Variants in BMPER observed in about 807,000 individuals in gnomAD.
BMPER encodes the protein BMP binding endothelial regulator, also known as BMP-binding endothelial regulator protein.
In BMPER, 45 loss-of-function variants were observed where a neutral mutation model predicts 87.3. The ratio of observed to expected loss-of-function variants is 0.52; its 90% confidence interval spans 0.41 to 0.66. The LOEUF (loss-of-function observed/expected upper bound fraction) is 0.66. Ranked by LOEUF, BMPER falls within the 30% of genes least tolerant of loss-of-function variation. BMPER has a pLI of 0.00. For synonymous variants in BMPER, 326 were observed against 316.2 expected (o/e 1.03, Z -0.33); for missense variants, 784 against 867.5 (o/e 0.90, Z 1.21).
chr7:34,139,618 C>T (rs1790811811), intron 13 of BMPER, among the ~76,000 whole-genome samples: 1 of 152,172 alleles, frequency 6.6e-6, no homozygotes, highest in Non-Finnish European at 1.5e-5. Context: ...TCCACCACAC[C>T]GAGCTTTCCG....
intron 3 of BMPER, among the ~76,000 whole-genome samples, chr7:33,953,810 T>C (rs1230674736): frequency 5.3e-5 from 8 of 152,170 alleles, no homozygotes. Flanking sequence ...CTTTCTCTCC[T>C]CCCCTCAGCC....
At chr7:34,037,713 G>A (rs777968508) in intron 6 of BMPER, among the ~76,000 whole-genome samples, 8 of 152,204 alleles carry the variant, frequency 5.3e-5, no homozygotes, top group Non-Finnish European at 5.9e-5. Flanking sequence ...CATTAACACC[G>A]AAAGTTGCTC....
intron 6 of BMPER, among the ~76,000 whole-genome samples, chr7:34,039,550 T>C (rs544028759): frequency 6.6e-6 from 1 of 151,194 alleles, no homozygotes; most frequent in South Asian, 2.1e-4. Context: ...TGACCCCAAA[T>C]GTCAGGAGTG....
At chr7:34,054,476 A>G (rs1295650262) in intron 8 of BMPER, among the ~76,000 whole-genome samples, 1 of 152,242 alleles carries the variant, frequency 6.6e-6, no homozygotes, top group East Asian at 1.9e-4. Flanking sequence ...TAAGAGGCAC[A>G]GTAAACCTGA....
At chr7:34,117,150 A>G (rs1252608165) in intron 13 of BMPER, among the ~76,000 whole-genome samples, 1 of 152,204 alleles carries the variant, frequency 6.6e-6, no homozygotes, top group Non-Finnish European at 1.5e-5. Context: ...CCCAATCAGA[A>G]CCTCATCTAC....
At position 34,078,525 on chromosome 7, in the gene BMPER, G is replaced by A. The variant is rs112316087; in HGVS notation, c.1079-332G>A. Among the ~76,000 whole-genome samples the A allele has an allele frequency of 2.0e-3, 306 of 152,194 alleles. 4 individuals are homozygous for A. The highest frequency in any genetic ancestry group is 6.9e-3 in the African/African-American group (286 of 41,518). ...ATACTTACTTTGCTCTTGTATGTGT[G>A]GGTGGTGAAGTAAGGCCAGTTCTTA... is the stretch of plus-strand genomic sequence containing the variant. On this transcript the variant is annotated intron_variant, in intron 11 of 14. Coordinates refer to ENST00000649409, the MANE Select transcript of BMPER (RefSeq NM_001365308.1).
intron 2 of BMPER, among the ~76,000 whole-genome samples, chr7:33,908,022 C>T (rs1200773734): frequency 1.4e-4 from 22 of 152,150 alleles, no homozygotes; most frequent in Admixed American, 1.3e-3. Flanking sequence ...AAACGCACTG[C>T]GTTTGCTGAC....
intron 6 of BMPER, among the ~76,000 whole-genome samples, chr7:34,023,243 G>A (rs145499575): frequency 1.4e-4 from 22 of 152,138 alleles, no homozygotes; most frequent in Admixed American, 2.6e-4. Flanking sequence ...AAGGCTAGTC[G>A]TCATACATCT....
chr7:34,066,848 G>A (rs1460362839), intron 11 of BMPER, among the ~76,000 whole-genome samples: 1 of 151,986 alleles, frequency 6.6e-6, no homozygotes, highest in Admixed American at 6.6e-5. Context: ...ATGGAGGGAG[G>A]GGCAGAGAGA....
chr7:33,908,819 A>G (rs1783883471), intron 2 of BMPER, among the ~76,000 whole-genome samples: 1 of 152,154 alleles, frequency 6.6e-6, no homozygotes, highest in Admixed American at 6.5e-5. Flanking sequence ...TGACCTTTGC[A>G]GGGGTTTAGA....
chr7:34,066,326 G>C (rs981882209), intron 11 of BMPER, among the ~76,000 whole-genome samples: 2 of 152,152 alleles, frequency 1.3e-5, no homozygotes, highest in African/African-American at 4.8e-5. Context: ...CAAAATAGGA[G>C]AACAAAAGTC....
chr7:34,098,407 T>A (rs895148110), intron 13 of BMPER, among the ~76,000 whole-genome samples: 1 of 152,178 alleles, frequency 6.6e-6, no homozygotes, highest in Non-Finnish European at 1.5e-5. Context: ...TCCTTTTTAC[T>A]GGCTTCAGGC....
chr7:33,979,826 A>T (rs1189059069), intron 6 of BMPER, among the ~76,000 whole-genome samples: 1 of 152,170 alleles, frequency 6.6e-6, no homozygotes, highest in Admixed American at 6.5e-5. Context: ...GGTCCAACCC[A>T]CTTAGTTACA....
intron 13 of BMPER, among the ~76,000 whole-genome samples, chr7:34,091,040 A>AGGAGGTG (rs1789365760): frequency 6.6e-6 from 1 of 152,114 alleles, no homozygotes; most frequent in Admixed American, 6.5e-5. Flanking sequence ...ACTGGGAGGT[A>AGGAGGTG]GGAGGTGGGA....
At chr7:34,083,559 T>C (rs752141599) in intron 12 of BMPER, among the ~76,000 whole-genome samples, 39 of 152,234 alleles carry the variant, frequency 2.6e-4, no homozygotes, top group Non-Finnish European at 4.7e-4. Context: ...AACCCAGTTT[T>C]AGACTGTGGG....
Position 34,153,403 on chromosome 7 carries a change from T to TACAC in BMPER, c.*131_*132insCACA. ...CACACACAGAGTATATATGTGTATA[T>TACAC]ATATATAGATATATTCAAAAACATT... On this transcript the variant is annotated 3_prime_UTR_variant, in exon 15 of 15. Transcript: ENST00000649409. 3 of 808,046 alleles carry TACAC rather than the reference T, an allele frequency of 3.7e-6. No homozygotes were observed. Among genetic ancestry groups the TACAC allele is most frequent in the Non-Finnish European group, 6.0e-6 (3 of 501,492 alleles). 50.1% of individuals were successfully genotyped at this position (808,046 alleles called of 1,614,324 possible).
intron 11 of BMPER, among the ~76,000 whole-genome samples, chr7:34,073,013 TA>T (rs1348597629): frequency 6.6e-6 from 1 of 152,214 alleles, no homozygotes; most frequent in Non-Finnish European, 1.5e-5. Context: ...ATTATTCAGT[TA>T]ATCGATTAGG....
intron 13 of BMPER, among the ~76,000 whole-genome samples, chr7:34,122,896 A>G (rs996159557): frequency 2.0e-5 from 3 of 152,192 alleles, no homozygotes; most frequent in African/African-American, 7.2e-5. Flanking sequence ...GGAAGATATA[A>G]TGCTCTTCTC....
intron 6 of BMPER, among the ~76,000 whole-genome samples, chr7:34,035,050 G>A (rs1461284485): frequency 3.3e-5 from 5 of 152,128 alleles, no homozygotes; most frequent in Admixed American, 1.3e-4. Context: ...GATTAGGATA[G>A]TCCCAAGAGC....
Sources: allele counts gnomAD v4.1 joint callset (sites outside exome capture counted in the v4.1 genomes callset), GRCh38; gene constraint gnomAD v4.1.1; transcripts MANE v1.5; gene names NCBI Gene and HGNC (gene_info 2026-07-23, HGNC 2026-07-21).